TANGO6: variants seen among roughly 807,000 people sequenced by gnomAD.
TANGO6 encodes the protein transport and Golgi organization protein 6 homolog.
In TANGO6, 90 loss-of-function variants were observed where a neutral mutation model predicts 114.2. That is an observed-to-expected ratio of 0.79 (90% CI 0.66 to 0.94). TANGO6 has a LOEUF of 0.94. Ranked by LOEUF, TANGO6 falls within the 40% of genes least tolerant of loss-of-function variation. TANGO6 has a pLI of 0.00. For synonymous variants in TANGO6, 477 were observed against 509.8 expected, an observed-to-expected ratio of 0.94 and a Z score of 0.87; for missense variants, 1,274 against 1,315.3, an observed-to-expected ratio of 0.97 and a Z score of 0.49.
chr16:68,861,561 G>A lies in TANGO6; in HGVS notation c.735+1037G>A, dbSNP rs145489926. Among the ~76,000 whole-genome samples, 84 of 152,288 alleles carry A rather than the reference G, an allele frequency of 5.5e-4. 1 individual carries two copies. In the East Asian group the frequency reaches 0.015, roughly 28 times the overall value. On this transcript the variant is annotated intron_variant, in intron 2 of 17. Transcript: ENST00000261778. ...GCACCTCCTGCCTGCACTTCCCTGA[G>A]GTAGTGTGACCCAGGTTGACAGGTC... is the stretch of plus-strand genomic sequence containing the variant.
chr16:68,989,625 T>C (rs1324850224), intron 15 of TANGO6, among the ~76,000 whole-genome samples: 1 of 152,228 alleles, frequency 6.6e-6, no homozygotes, highest in Admixed American at 6.5e-5. Context: ...TTGATTGTCT[T>C]TTTCCTTGAA....
chr16:68,900,735 T>C (rs115115542), intron 8 of TANGO6, among the ~76,000 whole-genome samples, 189 bp downstream of exon 8: 3,413 of 152,330 alleles, frequency 0.022, 53 homozygotes, highest in African/African-American at 0.043. Context: ...TCACAGGGCA[T>C]TGGATACAGT....
chr16:68,886,804 C>T (rs998431779), intron 7 of TANGO6, among the ~76,000 whole-genome samples: 2 of 151,044 alleles, frequency 1.3e-5, no homozygotes, highest in African/African-American at 4.9e-5. Flanking sequence ...AGCCATTGCA[C>T]CTGGCCCATA....
intron 16 of TANGO6, chr16:69,034,867 CTTTTTTTTTTT>C (rs113187614): frequency 7.6e-6 from 1 of 131,394 alleles, no homozygotes; most frequent in South Asian, 2.4e-4. Flanking sequence ...TTTTTTTTTT[CTTTTTTTTTTT>C]TTTCAATTTT....
intron 14 of TANGO6, among the ~76,000 whole-genome samples, chr16:68,951,050 G>T (rs1352570594): frequency 6.6e-6 from 1 of 151,912 alleles, no homozygotes; most frequent in East Asian, 1.9e-4. Flanking sequence ...CAGACCAGGT[G>T]CTGTGGCTGC....
rs375154029 is a variant in TANGO6, at chr16:68,927,587, C to A, written c.2147C>A (p.Ala716Asp). The A allele has an allele frequency of 2.5e-6, 4 of 1,609,402 alleles. No homozygotes were observed. In the African/African-American group the frequency reaches 5.3e-5, roughly 22 times the overall value. The change falls in exon 13 of 18, where the codon GCT (alanine) becomes GAT (aspartate). Residue 716 changes from alanine (A) to aspartate (D), a missense_variant. By Grantham distance (126) the Ala-to-Asp change is moderately radical (BLOSUM62 -2). Around this residue, in one of 5 missense-constraint regions of TANGO6, gnomAD observed 908 missense variants for 910.2 expected, o/e 1.00. Transcript: ENST00000261778. ...TTGTAGTTGAAGTCAAGTGATTTTG[C>A]TGTTCTGAAGCAGTTGTTGCCTCTG... ...GAVQLKSSDF[A>D]VLKQLLPLLE...
intron 17 of TANGO6, among the ~76,000 whole-genome samples, chr16:69,050,066 A>G (rs1240975125): frequency 1.3e-5 from 2 of 152,162 alleles, no homozygotes; most frequent in African/African-American, 4.8e-5. Context: ...GTGTAAATAT[A>G]TGTTTTCATT....
intron 14 of TANGO6, among the ~76,000 whole-genome samples, chr16:68,932,279 G>A (rs1033084625): frequency 2.6e-5 from 4 of 151,910 alleles, no homozygotes; most frequent in Admixed American, 6.6e-5. Flanking sequence ...TAGTAGAGAC[G>A]GGGGTTTCTC....
At chr16:69,009,080 T>C (rs898381542) in intron 15 of TANGO6, among the ~76,000 whole-genome samples, 1 of 136,402 alleles carries the variant, frequency 7.3e-6, no homozygotes, top group Non-Finnish European at 1.6e-5. Flanking sequence ...TTCTTTTTTT[T>C]TTTTTTTTTT....
At chr16:68,963,406 C>G (rs1963614011) in intron 14 of TANGO6, among the ~76,000 whole-genome samples, 1 of 152,194 alleles carries the variant, frequency 6.6e-6, no homozygotes, top group African/African-American at 2.4e-5. Flanking sequence ...TGTGAACCAC[C>G]ATGCCCAGCC....
Position 68,843,627 on chromosome 16 carries a change from C to A in TANGO6, c.10C>A (p.Arg4=). The A allele has an allele frequency of 6.2e-7, 1 of 1,613,440 alleles. No individual in the cohort carries two copies. The highest frequency in any genetic ancestry group is 8.5e-7 in the Non-Finnish European group (1 of 1,179,646). The change falls in exon 1 of 18, where the codon CGA becomes AGA. Residue 4 remains arginine, a synonymous_variant. Coordinates refer to ENST00000261778, the MANE Select transcript of TANGO6 (RefSeq NM_024562.2). MAA[R]QAVGSGAQET... ...GTGTTACACTCCAGTCATGGCGGCC[C>A]GACAGGCCGTGGGCAGCGGGGCTCA...
In TANGO6 at chr16:68,909,343, C is replaced by A. The variant is rs916657325; in HGVS notation, c.1933C>A (p.Gln645Lys). The change falls in exon 11 of 18, where the codon CAG becomes AAG. Residue 645 changes from glutamine to lysine, a missense_variant. By Grantham distance (53) the Gln-to-Lys change is moderately conservative. Transcript: ENST00000261778. ...CCAAGAGCGGAAGCTGCTTGTCCTG[C>A]AGCTGATGGCTGTTCTGTGCGAGAG... ...EGQERKLLVL[Q>K]LMAVLCERMS... is the part of the protein sequence containing the mutation. 2.5e-6 allele frequency: 4 copies of A among 1,607,566 alleles called. No homozygotes were observed. Among genetic ancestry groups the A allele is most frequent in the Non-Finnish European group, 3.4e-6 (4 of 1,176,550 alleles).
At chr16:68,849,903 A>G (rs1961874147) in intron 1 of TANGO6, among the ~76,000 whole-genome samples, 1 of 151,866 alleles carries the variant, frequency 6.6e-6, no homozygotes, top group Non-Finnish European at 1.5e-5. Context: ...TGAAAATACC[A>G]TGACCTTCAT....
intron 17 of TANGO6, among the ~76,000 whole-genome samples, chr16:69,072,179 GATAAAGA>G (rs1168572658): frequency 6.7e-6 from 1 of 149,590 alleles, no homozygotes; most frequent in Non-Finnish European, 1.5e-5. Context: ...AAATTCTTTT[GATAAAGA>G]ATCTGAACGC....
intron 14 of TANGO6, among the ~76,000 whole-genome samples, chr16:68,949,163 G>A (rs1433468829): frequency 6.6e-6 from 1 of 152,132 alleles, no homozygotes; most frequent in South Asian, 2.1e-4. Context: ...TCTAGCCTGG[G>A]CAACAATAGT....
chr16:68,978,660 C>T (rs1963788559), intron 15 of TANGO6, among the ~76,000 whole-genome samples: 1 of 151,940 alleles, frequency 6.6e-6, no homozygotes, highest in African/African-American at 2.4e-5. Flanking sequence ...TAATAAGTCC[C>T]CTAGTTCCCT....
chr16:69,015,988 T>C (rs982745783), intron 15 of TANGO6, among the ~76,000 whole-genome samples: 1 of 152,186 alleles, frequency 6.6e-6, no homozygotes, highest in African/African-American at 2.4e-5. Context: ...GGCCCTCACA[T>C]GCCTTGTTCC....
chr16:68,928,585 C>T (rs1183126188), intron 13 of TANGO6, among the ~76,000 whole-genome samples: 25 of 152,072 alleles, frequency 1.6e-4, no homozygotes, highest in Non-Finnish European at 2.9e-5. Context: ...CAGGCGTGAG[C>T]CACCACACCC....
chr16:68,882,819 C>T (rs1962483605), intron 7 of TANGO6, among the ~76,000 whole-genome samples: 1 of 151,884 alleles, frequency 6.6e-6, no homozygotes, highest in Non-Finnish European at 1.5e-5. Flanking sequence ...TAGATCAAGA[C>T]CATCCTGACT....
Sources: allele counts gnomAD v4.1 joint callset (sites outside exome capture counted in the v4.1 genomes callset), GRCh38; gene constraint gnomAD v4.1.1; regional missense constraint gnomAD v4.1.1; transcripts MANE v1.5; gene names NCBI Gene and HGNC (gene_info 2026-07-23, HGNC 2026-07-21).